Variants in RBFOX1 observed in about 807,000 individuals in gnomAD.
The protein encoded by RBFOX1 is RNA binding fox-1 homolog 1.
Under a neutral mutation model 57.7 loss-of-function variants are expected in RBFOX1, and 8 were observed. The observed-to-expected ratio is 0.14, with a 90% CI of 0.08 to 0.25. The LOEUF is 0.25. Among genes scored for constraint, RBFOX1 ranks in the 10% least tolerant of loss-of-function variants. The pLI is 1.00. For missense variants in RBFOX1, 611 were observed against 548.5 expected, an observed-to-expected ratio of 1.11 and a Z score of -1.14; for synonymous variants, 326 against 222.4, an observed-to-expected ratio of 1.47 and a Z score of -4.15.
chr16:6,284,433 G>T (rs2076694622), intron 1 of RBFOX1, among the ~76,000 whole-genome samples: 1 of 152,116 alleles, frequency 6.6e-6, no homozygotes, highest in South Asian at 2.1e-4. Context: ...TGCATAAATG[G>T]AAGATGTCAT....
chr16:5,278,619 C>T (rs1251198577), intron 1 of RBFOX1, among the ~76,000 whole-genome samples: 1 of 152,122 alleles, frequency 6.6e-6, no homozygotes, highest in Non-Finnish European at 1.5e-5. Flanking sequence ...AATATAATCC[C>T]ATTTGTCTGA....
At chr16:6,826,559 G>A (rs1303930443) in intron 3 of RBFOX1, among the ~76,000 whole-genome samples, 1 of 152,076 alleles carries the variant, frequency 6.6e-6, no homozygotes, top group Non-Finnish European at 1.5e-5. Flanking sequence ...CGTGCTTGCG[G>A]GCATGCGTGC....
chr16:5,266,228 G>A (rs946742001), intron 1 of RBFOX1, among the ~76,000 whole-genome samples: 2 of 152,180 alleles, frequency 1.3e-5, no homozygotes, highest in African/African-American at 4.8e-5. Context: ...CAGTTTCTCT[G>A]TTGTATGTGT....
chr16:5,547,432 G>A (rs1211543051), intron 2 of RBFOX1, among the ~76,000 whole-genome samples: 2 of 152,166 alleles, frequency 1.3e-5, no homozygotes, highest in African/African-American at 4.8e-5. Context: ...CAGTAAAAAG[G>A]AATGAGCTAT....
intron 1 of RBFOX1, among the ~76,000 whole-genome samples, chr16:6,026,658 A>T (rs954247371): frequency 6.6e-6 from 1 of 152,228 alleles, no homozygotes; most frequent in Non-Finnish European, 1.5e-5. Flanking sequence ...ACTTGTTTCT[A>T]TTTATTGCAG....
chr16:7,345,198 G>A (rs978675407), intron 4 of RBFOX1, among the ~76,000 whole-genome samples: 2 of 152,176 alleles, frequency 1.3e-5, no homozygotes, highest in South Asian at 2.1e-4. Context: ...AAACATGTCA[G>A]TTACTCCCGG....
chr16:6,957,858 G>T (rs9940637), intron 3 of RBFOX1, among the ~76,000 whole-genome samples: 1 of 152,068 alleles, frequency 6.6e-6, no homozygotes, highest in Non-Finnish European at 1.5e-5. Context: ...TCCTCCTAGC[G>T]TGACAGTTGC....
intron 4 of RBFOX1, among the ~76,000 whole-genome samples, chr16:7,201,160 G>A (rs994443528): frequency 2.6e-5 from 4 of 152,126 alleles, no homozygotes; most frequent in Non-Finnish European, 5.9e-5. Flanking sequence ...GGCAAGGGTT[G>A]GAGAGAAAGA....
chr16:6,971,509 G>GGTGTGT (rs34694992), intron 3 of RBFOX1, among the ~76,000 whole-genome samples: 309 of 149,922 alleles, frequency 2.1e-3, no homozygotes, highest in Non-Finnish European at 3.5e-3. Flanking sequence ...AGAGAGAGTT[G>GGTGTGT]GTGTGTGTGT....
At chr16:7,336,267 G>C (rs893084531) in intron 4 of RBFOX1, among the ~76,000 whole-genome samples, 2 of 152,184 alleles carry the variant, frequency 1.3e-5, no homozygotes, top group Non-Finnish European at 2.9e-5. Flanking sequence ...AGGCTATTTG[G>C]TTAGTGTTTG....
At chr16:6,761,120 A>G (rs904153973) in intron 3 of RBFOX1, among the ~76,000 whole-genome samples, 16 of 152,300 alleles carry the variant, frequency 1.1e-4, no homozygotes, top group South Asian at 4.1e-4. Context: ...ACGACTGACA[A>G]TGCCTTAGAA....
intron 4 of RBFOX1, among the ~76,000 whole-genome samples, chr16:7,257,989 G>C (rs947201092): frequency 5.9e-5 from 9 of 152,146 alleles, no homozygotes; most frequent in Non-Finnish European, 2.9e-5. Flanking sequence ...ATTCTGTATC[G>C]ACACAACTCT....
intron 2 of RBFOX1, among the ~76,000 whole-genome samples, chr16:6,541,816 G>A (rs554108142): frequency 4.6e-5 from 7 of 152,194 alleles, no homozygotes; most frequent in African/African-American, 1.7e-4. Flanking sequence ...AGAGGTGAGC[G>A]AAAAAGACTT....
At chr16:6,556,161 C>A (rs1179947268) in intron 2 of RBFOX1, among the ~76,000 whole-genome samples, 1 of 152,150 alleles carries the variant, frequency 6.6e-6, no homozygotes, top group African/African-American at 2.4e-5. Context: ...TAAACCCTGT[C>A]TTTATTTAAA....
chr16:5,416,027 G>A (rs1257298501), intron 1 of RBFOX1, among the ~76,000 whole-genome samples: 1 of 152,156 alleles, frequency 6.6e-6, no homozygotes, highest in Admixed American at 6.5e-5. Flanking sequence ...TCTGGAACAT[G>A]GTAGAAAGGA....
intron 1 of RBFOX1, among the ~76,000 whole-genome samples, chr16:5,349,777 G>C (rs931927391): frequency 2.6e-5 from 4 of 152,166 alleles, no homozygotes; most frequent in Non-Finnish European, 5.9e-5. Context: ...TGCATTTGGC[G>C]GGGACCACAG....
intron 2 of RBFOX1, among the ~76,000 whole-genome samples, chr16:6,652,688 A>T (rs372169388): frequency 4.1e-4 from 63 of 152,286 alleles, no homozygotes; most frequent in African/African-American, 1.5e-3. Context: ...TAGCCGACTC[A>T]TACAATGAGA....
At chr16:6,315,494 T>C (rs1187564240) in intron 1 of RBFOX1, among the ~76,000 whole-genome samples, 1 of 150,212 alleles carries the variant, frequency 6.7e-6, no homozygotes, top group African/African-American at 2.5e-5. Flanking sequence ...GGTAGGTAGA[T>C]AGGTGGATGG....
At chr16:7,069,415 T>G (rs2056853898) in intron 4 of RBFOX1, among the ~76,000 whole-genome samples, 1 of 152,176 alleles carries the variant, frequency 6.6e-6, no homozygotes, top group African/African-American at 2.4e-5. Context: ...TGTTCGTTGT[T>G]CAGCTCCTAC....
Sources: gnomAD v4.1 joint callset for allele counts (sites outside exome capture counted in the v4.1 genomes callset) on GRCh38, gnomAD v4.1.1 for gene constraint, MANE v1.5 for transcripts, NCBI Gene and HGNC (gene_info 2026-07-23, HGNC 2026-07-21) for gene names.